The following C10orf143 variants were observed in gnomAD, a reference collection of about 807,000 sequenced individuals.
C10orf143 encodes chromosome 10 open reading frame 143, also known as uncharacterized protein C10orf143.
chr10:130,110,030 C>T (rs1357329106), intron 1 of C10orf143, among the ~76,000 whole-genome samples: 2 of 152,122 alleles, frequency 1.3e-5, no homozygotes, highest in Non-Finnish European at 2.9e-5. Flanking sequence ...TCTTTCAGTG[C>T]CCCTAAGACG....
intron 1 of C10orf143, among the ~76,000 whole-genome samples, chr10:130,087,850 C>G (rs989654621): frequency 6.6e-6 from 1 of 152,154 alleles, no homozygotes; most frequent in Non-Finnish European, 1.5e-5. Flanking sequence ...GCTCTGCCAC[C>G]GGTGGGGCTC....
intron 1 of C10orf143, among the ~76,000 whole-genome samples, chr10:130,082,524 A>G (rs1241565112): frequency 3.3e-5 from 5 of 152,104 alleles, no homozygotes; most frequent in Non-Finnish European, 7.4e-5. Flanking sequence ...TCCTCGTGTT[A>G]GTGAATAAGT....
intron 3 of C10orf143, among the ~76,000 whole-genome samples, chr10:130,050,268 G>A (rs182189050): frequency 6.6e-6 from 1 of 152,356 alleles, no homozygotes; most frequent in East Asian, 1.9e-4. Context: ...CAAGTTCTGA[G>A]GCTCATTAAG....
At chr10:130,102,438 A>C (rs1448070420) in intron 1 of C10orf143, among the ~76,000 whole-genome samples, 1 of 151,986 alleles carries the variant, frequency 6.6e-6, no homozygotes, top group African/African-American at 2.4e-5. Context: ...ACATCCAGCT[A>C]ATTTTTTGTA....
downstream of C10orf143, among the ~76,000 whole-genome samples, chr10:130,062,377 A>G (rs1184222048): frequency 1.3e-5 from 2 of 151,998 alleles, no homozygotes; most frequent in African/African-American, 2.4e-5. Flanking sequence ...GGAGAGGCGG[A>G]CTCACCCTCA....
At chr10:130,094,981 T>C (rs983437914) in intron 1 of C10orf143, among the ~76,000 whole-genome samples, 7 of 102,430 alleles carry the variant, frequency 6.8e-5, no homozygotes, top group African/African-American at 1.7e-4. Flanking sequence ...GAAACCCCAT[T>C]GTCTCAGCAA....
rs1441257672 is a variant in C10orf143 at position 130,054,759 on chromosome 10, A to G, written c.298-18789T>C. ...TTGCAATGCCCTGATGAGTAGTAAC[A>G]TTGCATATCTTTTCATCTATCTGTT... On this transcript the variant is annotated intron_variant and NMD_transcript_variant, in intron 3 of 5. Coordinates refer to the C10orf143 transcript ENST00000643056. Among the ~76,000 whole-genome samples, 8 of 152,196 alleles carry G rather than the reference A, an allele frequency of 5.3e-5. No homozygotes were observed. The South Asian group carries it at 1.7e-3, about 32-fold the overall frequency.
intron 3 of C10orf143, among the ~76,000 whole-genome samples, chr10:130,046,595 A>G (rs1860675939): frequency 6.6e-6 from 1 of 152,224 alleles, no homozygotes; most frequent in Admixed American, 6.5e-5. Context: ...ATTTTAATCA[A>G]AAATAGATCA....
intron 3 of C10orf143, among the ~76,000 whole-genome samples, chr10:130,073,455 C>T (rs994677458): frequency 6.6e-5 from 10 of 152,186 alleles, no homozygotes; most frequent in Non-Finnish European, 1.5e-4. Flanking sequence ...TAGGCCAAAA[C>T]CACATCTATC....
intron 1 of C10orf143, among the ~76,000 whole-genome samples, chr10:130,081,245 G>A (rs1258121256): frequency 1.3e-5 from 2 of 151,854 alleles, no homozygotes; most frequent in South Asian, 2.1e-4. Context: ...TTTTTTTAAT[G>A]CTAAAAGCCA....
downstream of C10orf143, among the ~76,000 whole-genome samples, chr10:130,062,683 G>A (rs1860869555): frequency 6.6e-6 from 1 of 152,084 alleles, no homozygotes. Flanking sequence ...GCTTGCAGAC[G>A]GCCTATTGTG....
chr10:130,049,876 A>T (rs987203253), intron 3 of C10orf143, among the ~76,000 whole-genome samples: 1 of 152,230 alleles, frequency 6.6e-6, no homozygotes, highest in Non-Finnish European at 1.5e-5. Context: ...AAAATTCAAG[A>T]TGTTAATTTG....
intron 1 of C10orf143, among the ~76,000 whole-genome samples, chr10:130,084,278 C>T (rs1363655600): frequency 6.6e-6 from 1 of 151,930 alleles, no homozygotes; most frequent in African/African-American, 2.4e-5. Flanking sequence ...TGCACCACTG[C>T]ACTCCAACCT....
intron 1 of C10orf143, among the ~76,000 whole-genome samples, chr10:130,109,203 CCT>C (rs1246934596): frequency 8.5e-5 from 13 of 152,180 alleles, no homozygotes; most frequent in Non-Finnish European, 1.8e-4. Context: ...CTGCCTGCAC[CCT>C]GATCACACCT....
At chr10:130,078,793 T>C (rs1030073500) in intron 3 of C10orf143, among the ~76,000 whole-genome samples, 3 of 152,160 alleles carry the variant, frequency 2.0e-5, no homozygotes, top group Non-Finnish European at 4.4e-5. Context: ...AATCTTTTGC[T>C]TATCAAAAAC....
chr10:130,070,083 G>T (rs1389329085), intron 3 of C10orf143, among the ~76,000 whole-genome samples: 1 of 152,142 alleles, frequency 6.6e-6, no homozygotes, highest in East Asian at 1.9e-4. Flanking sequence ...GCATGTAACA[G>T]ATGATCTCTA....
At chr10:130,090,632 C>A (rs1427360744) in intron 1 of C10orf143, among the ~76,000 whole-genome samples, 1 of 152,158 alleles carries the variant, frequency 6.6e-6, no homozygotes, top group African/African-American at 2.4e-5. Context: ...GGATCCCACC[C>A]CCAAGGAGCC....
At chr10:130,062,707 T>C (rs1278668696), downstream of C10orf143, among the ~76,000 whole-genome samples, 1 of 152,202 alleles carries the variant, frequency 6.6e-6, no homozygotes, top group Non-Finnish European at 1.5e-5. Context: ...CCTCACCTTG[T>C]GATCATGCAA....
intron 1 of C10orf143, among the ~76,000 whole-genome samples, chr10:130,095,093 G>A (rs935611709): frequency 3.3e-5 from 5 of 152,098 alleles, no homozygotes; most frequent in African/African-American, 1.2e-4. Flanking sequence ...TAGACAAACA[G>A]AGGGCCAAAT....
Sources: gnomAD v4.1 joint callset for allele counts (sites outside exome capture counted in the v4.1 genomes callset) on GRCh38, gnomAD v4.1.1 for gene constraint, MANE v1.5 for transcripts, NCBI Gene and HGNC (gene_info 2026-07-23, HGNC 2026-07-21) for gene names.